CCDC148: variants seen among roughly 807,000 people sequenced by gnomAD.
The protein encoded by CCDC148 is coiled-coil domain containing 148.
CCDC148 carries 89 observed loss-of-function variants against 85.7 expected under a neutral mutation model. The ratio of observed to expected loss-of-function variants is 1.04; its 90% CI spans 0.87 to 1.24. CCDC148 has a LOEUF of 1.24. Ranked by LOEUF, CCDC148 falls within the 50% of genes most tolerant of loss-of-function variation. The probability of loss-of-function intolerance (pLI) is 0.00; values close to 1 mark genes in which losing one functional copy is unlikely to be tolerated. For missense variants in CCDC148, 692 were observed against 671.7 expected, an observed-to-expected ratio of 1.03 and a Z score of -0.33; for synonymous variants, 230 against 213.9, an observed-to-expected ratio of 1.08 and a Z score of -0.66.
chr2:158,330,589 G>T (rs28881592), intron 7 of CCDC148, among the ~76,000 whole-genome samples: 6,666 of 152,264 alleles, frequency 0.044, 248 homozygotes, highest in African/African-American at 0.098. Context: ...AATGGTACCA[G>T]CTCCTCCTTA....
intron 1 of CCDC148, among the ~76,000 whole-genome samples, chr2:158,378,028 T>A (rs1181563046): frequency 6.6e-6 from 1 of 151,994 alleles, no homozygotes; most frequent in East Asian, 1.9e-4. Flanking sequence ...TAACTTAGAA[T>A]CAAAAGCTAA....
In CCDC148 at chr2:158,349,187, C is replaced by G. The variant is rs11897965; in HGVS notation, c.148-3869G>C. ...TAAGTATTCTAGATGTAACTTGAAG[C>G]AATAATCTCTTTATGTGCTTTAAAT... On this transcript the variant is annotated intron_variant, in intron 2 of 13. Transcript: ENST00000283233. Among the ~76,000 whole-genome samples the G allele has an allele frequency of 3.9e-3, 598 of 152,088 alleles. 3 individuals carry two copies. The highest frequency in any genetic ancestry group is 0.013 in the African/African-American group (529 of 41,544).
chr2:158,302,046 T>C (rs1002522584), intron 9 of CCDC148, among the ~76,000 whole-genome samples: 3 of 152,022 alleles, frequency 2.0e-5, no homozygotes, highest in Non-Finnish European at 2.9e-5. Flanking sequence ...GAGACAAAAA[T>C]AAAGAAAGGC....
intron 9 of CCDC148, chr2:158,288,598 T>C (rs1267685277): frequency 1.2e-5 from 2 of 164,558 alleles, no homozygotes; most frequent in Non-Finnish European, 2.6e-5. Context: ...TGGACCTCAT[T>C]GTTCATATCA....
chr2:158,221,473 C>T (rs780381748), intron 10 of CCDC148, among the ~76,000 whole-genome samples: 7 of 152,114 alleles, frequency 4.6e-5, no homozygotes, highest in Non-Finnish European at 1.0e-4. Flanking sequence ...AGGCCCATTC[C>T]ACCACTCTGG....
chr2:158,198,521 T>C (rs1298525853), intron 11 of CCDC148, among the ~76,000 whole-genome samples: 1 of 152,182 alleles, frequency 6.6e-6, no homozygotes, highest in Non-Finnish European at 1.5e-5. Flanking sequence ...ATGCCAGGAA[T>C]CATGAAGTTT....
intron 1 of CCDC148, among the ~76,000 whole-genome samples, chr2:158,384,164 G>T (rs1050624145): frequency 1.3e-5 from 2 of 152,072 alleles, no homozygotes; most frequent in Admixed American, 1.3e-4. Flanking sequence ...GACTTTGATC[G>T]CTTAATTAAG....
intron 9 of CCDC148, among the ~76,000 whole-genome samples, chr2:158,289,101 T>TA (rs1418491153): frequency 6.6e-6 from 1 of 152,218 alleles, no homozygotes; most frequent in Non-Finnish European, 1.5e-5. Flanking sequence ...TTCTGAGAGA[T>TA]ACAATTCAAC....
At chr2:158,311,328 A>G (rs976591942) in intron 8 of CCDC148, among the ~76,000 whole-genome samples, 7 of 152,212 alleles carry the variant, frequency 4.6e-5, no homozygotes, top group African/African-American at 1.7e-4. Context: ...AGAACCAGTC[A>G]GGCGTGGCGG....
intron 11 of CCDC148, among the ~76,000 whole-genome samples, chr2:158,200,065 T>C (rs1685878013): frequency 6.6e-6 from 1 of 152,158 alleles, no homozygotes; most frequent in Non-Finnish European, 1.5e-5. Flanking sequence ...TAAAGGAAGA[T>C]TCTGCACTCT....
rs191202003 is a variant in CCDC148 at position 158,330,308 on chromosome 2, G to T, written c.764+8418C>A. 8.1e-3 allele frequency among the ~76,000 whole-genome samples: 1,228 copies of T among 152,162 alleles called. 7 individuals are homozygous for T. Among genetic ancestry groups the T allele is most frequent in the Non-Finnish European group, 0.011 (732 of 67,996 alleles). On this transcript the variant is annotated intron_variant, in intron 7 of 13. Coordinates refer to ENST00000283233, the MANE Select transcript of CCDC148 (RefSeq NM_138803.4). ...TGGTTCTGTTTATATGCTGGATTAC[G>T]TTTATTGATTTGCATATGTTGAACC...
At chr2:158,293,059 C>G (rs1369230345) in intron 9 of CCDC148, among the ~76,000 whole-genome samples, 1 of 152,134 alleles carries the variant, frequency 6.6e-6, no homozygotes, top group Non-Finnish European at 1.5e-5. Flanking sequence ...TCCTAACAAA[C>G]CTGCACATTG....
intron 7 of CCDC148, among the ~76,000 whole-genome samples, chr2:158,327,958 T>C (rs1692869429): frequency 6.6e-6 from 1 of 152,178 alleles, no homozygotes; most frequent in Admixed American, 6.5e-5. Flanking sequence ...TGTTTATATA[T>C]ATGAAAGTTT....
intron 8 of CCDC148, among the ~76,000 whole-genome samples, chr2:158,310,190 A>G (rs935320649): frequency 6.6e-6 from 1 of 152,156 alleles, no homozygotes; most frequent in African/African-American, 2.4e-5. Flanking sequence ...CCCTTAATCC[A>G]TTTAACCCTG....
chr2:158,275,275 C>G (rs924309328), intron 9 of CCDC148, among the ~76,000 whole-genome samples: 2 of 152,186 alleles, frequency 1.3e-5, no homozygotes, highest in Admixed American at 6.5e-5. Flanking sequence ...CCTGTGGCTT[C>G]AGGATAATAA....
chr2:158,310,999 C>A (rs879220136), intron 8 of CCDC148, among the ~76,000 whole-genome samples: 1 of 151,966 alleles, frequency 6.6e-6, no homozygotes, highest in Non-Finnish European at 1.5e-5. Context: ...ACTGGGCGGC[C>A]GGGCAGAGGG....
intron 10 of CCDC148, among the ~76,000 whole-genome samples, chr2:158,228,777 A>G (rs1395042356): frequency 2.9e-5 from 4 of 138,514 alleles, no homozygotes; most frequent in African/African-American, 7.9e-5. Context: ...ATGGACACAG[A>G]AAGGGGAACA....
intron 9 of CCDC148, among the ~76,000 whole-genome samples, chr2:158,269,633 TTATAAGGCACATTC>T (rs1365146940): frequency 6.6e-6 from 1 of 152,166 alleles, no homozygotes; most frequent in African/African-American, 2.4e-5. Context: ...GGAAGAATAG[TTATAAGGCACATTC>T]TCTGTGGCTC....
At chr2:158,193,591 G>C (rs1295449027) in intron 11 of CCDC148, among the ~76,000 whole-genome samples, 1 of 151,928 alleles carries the variant, frequency 6.6e-6, no homozygotes, top group Non-Finnish European at 1.5e-5. Flanking sequence ...ATTTGGAAGA[G>C]CTACAAAGAA....
Sources: allele counts gnomAD v4.1 joint callset (sites outside exome capture counted in the v4.1 genomes callset), GRCh38; gene constraint gnomAD v4.1.1; transcripts MANE v1.5; gene names NCBI Gene and HGNC (gene_info 2026-07-23, HGNC 2026-07-21).